The following PNPLA7 variants were observed in gnomAD, a reference collection of about 807,000 sequenced individuals.
The protein encoded by PNPLA7 is patatin like domain 7, lysophospholipase.
Under a neutral mutation model 161.7 loss-of-function variants are expected in PNPLA7, and 153 were observed. The observed-to-expected ratio is 0.95, with a 90% CI of 0.83 to 1.08. The LOEUF is 1.08. Among genes scored for constraint, PNPLA7 ranks in the 50% least tolerant of loss-of-function variants. The pLI, the probability that PNPLA7 is intolerant of heterozygous loss-of-function variation, is 0.00. For synonymous variants in PNPLA7, 809 were observed against 782.1 expected, an observed-to-expected ratio of 1.03 and a Z score of -0.57; for missense variants, 1,739 against 1,856.6, an observed-to-expected ratio of 0.94 and a Z score of 1.16.
chr9:137,533,910 G>A (rs1350755737), intron 8 of PNPLA7, among the ~76,000 whole-genome samples: 3 of 149,758 alleles, frequency 2.0e-5, no homozygotes, highest in South Asian at 4.3e-4. Flanking sequence ...CTCCAGACAG[G>A]AGCACTCCCA....
At chr9:137,481,046 C>T (rs200233817) in intron 21 of PNPLA7, 23 bp from the exon 22 acceptor site, 42 of 1,551,498 alleles carry the variant, frequency 2.7e-5, no homozygotes, top group East Asian at 4.9e-5. Flanking sequence ...CCACCAGTAA[C>T]GGAGCCTGCC....
intron 25 of PNPLA7, among the ~76,000 whole-genome samples, chr9:137,469,835 C>T (rs1831634285): frequency 1.3e-5 from 2 of 152,024 alleles, no homozygotes; most frequent in Non-Finnish European, 2.9e-5. Flanking sequence ...CAATGATGAA[C>T]AGGAAAGAAA....
At position 137,463,415 on chromosome 9, in the gene PNPLA7, C is replaced by T. The variant is rs190160579; in HGVS notation, c.3343G>A (p.Ala1115Thr). ...MDGGYINNLP[A>T]DVARSMGAKV... ...GGGCGTGGTCCCCCCACCGCAGTAC[C>T]TGGGAGGTTGTTGATGTAGCCCCCG... Residue 1115 changes from alanine (A) to threonine (T), a missense_variant and splice_region_variant, in exon 29 of 35, where the codon GCG becomes ACG. Transcript: ENST00000406427. 16 of 1,601,682 alleles carry T rather than the reference C, an allele frequency of 1.0e-5. No individual in the cohort carries two copies. In the East Asian group the frequency reaches 3.6e-4, roughly 36 times the overall value.
chr9:137,525,423 T>C (rs36080214), intron 8 of PNPLA7, among the ~76,000 whole-genome samples: 29 of 152,280 alleles, frequency 1.9e-4, no homozygotes, highest in African/African-American at 5.5e-4. Context: ...GTTATTTATT[T>C]GATACAAGGC....
chr9:137,489,699 A>T (rs964004274), intron 20 of PNPLA7, among the ~76,000 whole-genome samples: 12 of 152,156 alleles, frequency 7.9e-5, no homozygotes, highest in African/African-American at 2.9e-4. Flanking sequence ...CCAAAACACG[A>T]TGACAGAACA....
At chr9:137,525,583 T>C (rs369790133) in intron 8 of PNPLA7, among the ~76,000 whole-genome samples, 57 of 152,220 alleles carry the variant, frequency 3.7e-4, no homozygotes, top group African/African-American at 1.4e-3. Flanking sequence ...TCTATGTATT[T>C]CTCGGAGAGA....
At chr9:137,505,143 A>G (rs2132341020) in intron 14 of PNPLA7, among the ~76,000 whole-genome samples, 2 of 138,212 alleles carry the variant, frequency 1.4e-5, no homozygotes, top group South Asian at 4.6e-4. Flanking sequence ...AGCCGAGATC[A>G]TATCACTGCA....
chr9:137,463,363 C>T (rs1027205196), intron 29 of PNPLA7, 52 bp downstream of exon 29: 41 of 1,485,154 alleles, frequency 2.8e-5, no homozygotes, highest in Non-Finnish European at 3.1e-5. Context: ...CGTGGGGCGG[C>T]GTGACCCAGG....
rs752940303 is a variant in PNPLA7, at chr9:137,467,511, C to T, written c.2883-38G>A. 16 of 1,605,276 alleles carry T rather than the reference C, an allele frequency of 1.0e-5. No individual in the cohort carries two copies. The highest frequency in any genetic ancestry group is 1.7e-4 in the Middle Eastern group (1 of 6,044). On this transcript the variant is annotated intron_variant, in intron 25 of 34. Transcript: ENST00000406427. The surrounding 1 kb of genome is among the most constrained non-coding windows in gnomAD (Gnocchi z 5.1). ...GGGACACAGAGCAAGGAGTGAGTAC[C>T]AGGCCCAGGCTGCGCCCTGCAGAGG... is the stretch of plus-strand genomic sequence containing the variant.
At position 137,506,155 on chromosome 9, in the gene PNPLA7, G is replaced by T. The variant is rs967323440; in HGVS notation, c.1226-72C>A. The T allele has an allele frequency of 1.6e-4, 199 of 1,280,504 alleles. No individual in the cohort carries two copies. The East Asian group carries it at 3.9e-3, about 25-fold the overall frequency. 79.3% of individuals were successfully genotyped at this position (1,280,504 alleles called of 1,614,324 possible). A position where few individuals can be genotyped will look rare whatever the true frequency, so the allele number is the denominator to read the frequency against. On this transcript the variant is annotated intron_variant, in intron 12 of 34. Transcript: ENST00000406427. The stretch of plus-strand genomic sequence containing the variant: ...CACAAACGTCCGCGGTGTGGGCTGA[G>T]CACACCCTGCAGTCTAACCACACAG...
chr9:137,467,232 G>A lies in PNPLA7; in HGVS notation c.3039+85C>T. 1 of 1,484,460 alleles carries A rather than the reference G, an allele frequency of 6.7e-7. No homozygotes were observed. Among genetic ancestry groups the A allele is most frequent in the East Asian group, 2.5e-5 (1 of 40,418 alleles). The allele number at this position is 1,484,460 out of a possible 1,614,324, so 92.0% of individuals were successfully genotyped here. On this transcript the variant is annotated intron_variant, in intron 26 of 34. Coordinates refer to ENST00000406427, the MANE Select transcript of PNPLA7 (RefSeq NM_001098537.3). The surrounding 1 kb of genome is among the most constrained non-coding windows in gnomAD (Gnocchi z 5.1). ...AGGGCAGGGCCCTGCAGAGCCACAT[G>A]CAGAGGCCAACGGCCCCAGCGTCCC...
At position 137,505,920 on chromosome 9, in the gene PNPLA7, A is replaced by G. The variant is rs1379411971; in HGVS notation, c.1326+63T>C. 5 of 1,547,686 alleles carry G rather than the reference A, an allele frequency of 3.2e-6. No individual in the cohort carries two copies. The East Asian group carries it at 1.2e-4, about 36-fold the overall frequency. On this transcript the variant is annotated intron_variant, in intron 13 of 34. Coordinates refer to ENST00000406427, the MANE Select transcript of PNPLA7 (RefSeq NM_001098537.3). ...CCAAAGCCGGCGGCGCCCCCAATGC[A>G]CCAGCAAGCCACGGAGAGGGTGGGG...
In PNPLA7 at chr9:137,463,524, CAG is replaced by C. The variant is rs1831319139; in HGVS notation, c.3232_3233del (p.Leu1078ValfsTer19). 1 of 1,578,636 alleles carries C rather than the reference CAG, an allele frequency of 6.3e-7. No individual in the cohort carries two copies. Among genetic ancestry groups the C allele is most frequent in the Admixed American group, 1.8e-5 (1 of 54,198 alleles). The part of the protein sequence containing the change: ...SAMRVHTDGS[L>X]WWYVRASMSL... ...ACATGCTGGCACGCACGTACCACCA[CAG>C]GGAGCCTGGGGAGGGGGCCCGGAGC... On this transcript the variant is annotated frameshift_variant, in exon 29 of 35. Coordinates refer to ENST00000406427, the MANE Select transcript of PNPLA7 (RefSeq NM_001098537.3). LOFTEE classifies it high-confidence loss of function.
intron 1 of PNPLA7, among the ~76,000 whole-genome samples, chr9:137,548,119 T>C (rs1235725261): frequency 6.6e-6 from 1 of 152,122 alleles, no homozygotes; most frequent in Non-Finnish European, 1.5e-5. Flanking sequence ...AGGCTCTGTG[T>C]CCTGCAGTCT....
rs375744974 is a variant in PNPLA7, at chr9:137,506,016, C to T, written c.1293G>A (p.Ser431=). ...ACDRARVFLH[S]DEHPGSSVAS... ...CCACGGAGCTCCCGGGGTGCTCGTC[C>T]GAGTGCAGGAAGACCCTGGCACGGT... The change falls in exon 13 of 35, where the codon TCG becomes TCA. Residue 431 remains serine (S), a synonymous_variant. Coordinates refer to ENST00000406427, the MANE Select transcript of PNPLA7 (RefSeq NM_001098537.3). The T allele has an allele frequency of 6.8e-6, 11 of 1,612,648 alleles. No homozygotes were observed. The African/African-American group carries it at 1.1e-4, about 16-fold the overall frequency.
At chr9:137,513,639 G>A (rs573746185) in intron 12 of PNPLA7, among the ~76,000 whole-genome samples, 3 of 152,274 alleles carry the variant, frequency 2.0e-5, no homozygotes, top group South Asian at 4.1e-4. Context: ...TCCCTGTTGC[G>A]TGAAGGTCCC....
rs1833376319 is a variant in PNPLA7, at chr9:137,500,985, G to GT, written c.1552-90_1552-89insA. The GT allele has an allele frequency of 8.1e-7, 1 of 1,237,340 alleles. No individual in the cohort carries two copies. The highest frequency in any genetic ancestry group is 1.5e-5 in the African/African-American group (1 of 66,634). The allele number at this position is 1,237,340 out of a possible 1,614,324, so 76.6% of individuals were successfully genotyped here. A position where few individuals can be genotyped will look rare whatever the true frequency, so the allele number is the denominator to read the frequency against. On this transcript the variant is annotated intron_variant, in intron 15 of 34. Coordinates refer to ENST00000406427, the MANE Select transcript of PNPLA7 (RefSeq NM_001098537.3). The surrounding 1 kb of genome is among the most constrained non-coding windows in gnomAD (Gnocchi z 5.5). Reference sequence around the variant, plus strand: ...GGCCCAGAGCGGACGATGCCACCAGGCTCAGCCGGGAGACCATCCGCCGAC... The same window carrying GT: ...GGCCCAGAGCGGACGATGCCACCAGGTCTCAGCCGGGAGACCATCCGCCGAC...
chr9:137,461,675 C>A, intron 32 of PNPLA7, 55 bp from the exon 33 acceptor site: 11 of 1,515,128 alleles, frequency 7.3e-6, no homozygotes, highest in South Asian at 1.2e-5. Flanking sequence ...TGCCAGTCCC[C>A]AGCCTGCTTC....
Position 137,520,857 on chromosome 9 carries a change from G to T in PNPLA7, c.957+779C>A, listed in dbSNP as rs944468477. 6.6e-6 allele frequency among the ~76,000 whole-genome samples: 1 copy of T among 152,248 alleles called. No individual in the cohort carries two copies. Among genetic ancestry groups the T allele is most frequent in the Non-Finnish European group, 1.5e-5 (1 of 68,040 alleles). ...GGTCAGCTCCGCCCCACCCGGTTCA[G>T]ATAGGAGGAGCTGTCAAGGGCAACA... On this transcript the variant is annotated intron_variant, in intron 10 of 34. Coordinates refer to ENST00000406427, the MANE Select transcript of PNPLA7 (RefSeq NM_001098537.3). The surrounding 1 kb of genome is among the most constrained non-coding windows in gnomAD (Gnocchi z 5.2).
Sources: allele counts gnomAD v4.1 joint callset (sites outside exome capture counted in the v4.1 genomes callset), GRCh38; gene constraint gnomAD v4.1.1; non-coding constraint Gnocchi (gnomAD v3.1); transcripts MANE v1.5; gene names NCBI Gene and HGNC (gene_info 2026-07-23, HGNC 2026-07-21).